Variants in UBASH3B observed in about 807,000 individuals in gnomAD.
UBASH3B encodes ubiquitin-associated and SH3 domain-containing protein B.
UBASH3B carries 37 observed loss-of-function variants against 83.4 expected under a neutral mutation model. The ratio of observed to expected loss-of-function variants is 0.44; its 90% CI spans 0.34 to 0.58. UBASH3B has a LOEUF of 0.58. UBASH3B is among the 20% of genes least tolerant of loss of function. The pLI, the probability that UBASH3B is intolerant of heterozygous loss-of-function variation, is 0.01. For missense variants in UBASH3B, 657 were observed against 827.2 expected (o/e 0.79, Z 2.52); for synonymous variants, 304 against 318.3 (o/e 0.96, Z 0.48).
rs1207026497 is a variant in UBASH3B, at chr11:122,672,850, TGGG to T, written c.161+16643_161+16645del. 2.0e-5 allele frequency among the ~76,000 whole-genome samples: 3 copies of T among 152,216 alleles called. No homozygotes were observed. The East Asian group carries it at 5.8e-4, about 29-fold the overall frequency. The stretch of plus-strand genomic sequence containing the variant: ...GAGTCAGGAGCATACCTAAAGTCCC[TGGG>T]GGACCAGGCTGGGCCAGCCTGCAGT... On this transcript the variant is annotated intron_variant, in intron 1 of 13. Transcript: ENST00000284273.
intron 1 of UBASH3B, among the ~76,000 whole-genome samples, chr11:122,744,798 C>T (rs1310210506): frequency 6.6e-6 from 1 of 150,960 alleles, no homozygotes; most frequent in East Asian, 1.9e-4. Flanking sequence ...ATGTGTGTGA[C>T]TGTGTGATCG....
rs1248892973 is a variant in UBASH3B, at chr11:122,687,814, A to G, written c.161+31604A>G. 7.2e-5 allele frequency among the ~76,000 whole-genome samples: 11 copies of G among 152,210 alleles called. No individual in the cohort carries two copies. The South Asian group carries it at 1.9e-3, about 26-fold the overall frequency. The stretch of plus-strand genomic sequence containing the variant: ...TTCTTCCTGGTGCTCCCGTGTCTCC[A>G]AGATGAGAGAATTTGCCAAGTCATG... On this transcript the variant is annotated intron_variant, in intron 1 of 13. Coordinates refer to ENST00000284273, the MANE Select transcript of UBASH3B (RefSeq NM_032873.5).
intron 1 of UBASH3B, among the ~76,000 whole-genome samples, chr11:122,712,514 A>G (rs1052712463): frequency 2.0e-5 from 3 of 152,114 alleles, no homozygotes; most frequent in African/African-American, 7.2e-5. Flanking sequence ...GCCCTGAGTA[A>G]TAGGCATAAA....
intron 1 of UBASH3B, among the ~76,000 whole-genome samples, chr11:122,674,379 CTTT>C (rs35529594): frequency 0.2 from 26,636 of 132,660 alleles, 2,363 homozygotes; most frequent in Non-Finnish European, 0.25. Flanking sequence ...CATTGTCTGT[CTTT>C]TTTTTTTTTT....
intron 4 of UBASH3B, chr11:122,782,285 T>C (rs970835397): frequency 6.6e-6 from 1 of 151,448 alleles, no homozygotes; most frequent in Non-Finnish European, 1.5e-5. Flanking sequence ...AGCCATTCCC[T>C]CCTATAGGTA....
At chr11:122,690,167 C>CATATAT (rs57203901) in intron 1 of UBASH3B, among the ~76,000 whole-genome samples, 1,804 of 43,296 alleles carry the variant, frequency 0.042, 87 homozygotes, top group Non-Finnish European at 0.06. Flanking sequence ...GGCAGGAAAA[C>CATATAT]ATATATATAT....
At chr11:122,734,704 T>C (rs1317733765) in intron 1 of UBASH3B, among the ~76,000 whole-genome samples, 1 of 151,858 alleles carries the variant, frequency 6.6e-6, no homozygotes, top group Non-Finnish European at 1.5e-5. Context: ...TTAAGGCAAT[T>C]CCAGTAGAGT....
At chr11:122,799,416 G>A (rs1458168858) in intron 10 of UBASH3B, among the ~76,000 whole-genome samples, 1 of 151,928 alleles carries the variant, frequency 6.6e-6, no homozygotes, top group Non-Finnish European at 1.5e-5. Context: ...GAACCCGGGA[G>A]GCGGAGGTTG....
At chr11:122,783,607 A>AACCTAAC (rs1860896116) in intron 5 of UBASH3B, among the ~76,000 whole-genome samples, 1 of 152,188 alleles carries the variant, frequency 6.6e-6, no homozygotes, top group Non-Finnish European at 1.5e-5. Context: ...AGAACATATA[A>AACCTAAC]ATACCAAAGA....
intron 1 of UBASH3B, among the ~76,000 whole-genome samples, chr11:122,739,147 C>A (rs1000788958): frequency 1.1e-4 from 16 of 152,182 alleles, no homozygotes; most frequent in Middle Eastern, 3.4e-3. Context: ...ACAGCATGTG[C>A]CACCACACCC....
chr11:122,675,686 C>T (rs1863658230), intron 1 of UBASH3B, among the ~76,000 whole-genome samples: 1 of 152,088 alleles, frequency 6.6e-6, no homozygotes, highest in African/African-American at 2.4e-5. Flanking sequence ...GTCCATGGCC[C>T]CCAGAGATAA....
Position 122,799,016 on chromosome 11 carries a change from G to A in UBASH3B, c.1432G>A (p.Ala478Thr). Residue 478 changes from alanine (A) to threonine (T), a missense_variant, in exon 10 of 14, where the codon GCA becomes ACA. Transcript: ENST00000284273. ...CSPSLRCVQT[A>T]HNILKGLQQE... ...CCCGTCCCTTCGCTGCGTTCAGACT[G>A]CACACAATATCTTGAAAGGTAAGAC... 8.7e-6 allele frequency: 14 copies of A among 1,613,908 alleles called. No homozygotes were observed. Among genetic ancestry groups the A allele is most frequent in the Non-Finnish European group, 1.2e-5 (14 of 1,179,892 alleles).
chr11:122,730,896 A>G (rs574136526), intron 1 of UBASH3B, among the ~76,000 whole-genome samples: 8 of 152,312 alleles, frequency 5.3e-5, no homozygotes, highest in Non-Finnish European at 8.8e-5. Context: ...CTCCTGGCCA[A>G]TATTTGGATT....
At chr11:122,682,400 G>A (rs550575371) in intron 1 of UBASH3B, among the ~76,000 whole-genome samples, 13 of 152,276 alleles carry the variant, frequency 8.5e-5, no homozygotes, top group African/African-American at 1.4e-4. Context: ...ACGCTGAGGC[G>A]TTCACTTGTC....
intron 1 of UBASH3B, among the ~76,000 whole-genome samples, chr11:122,754,908 C>A (rs7114985): frequency 6.6e-6 from 1 of 152,128 alleles, no homozygotes; most frequent in African/African-American, 2.4e-5. Flanking sequence ...ACCCCTGACT[C>A]TACCACCAGC....
chr11:122,727,154 G>A (rs555148090), intron 1 of UBASH3B, among the ~76,000 whole-genome samples: 7 of 152,270 alleles, frequency 4.6e-5, no homozygotes, highest in African/African-American at 1.2e-4. Context: ...TTTAAGCCGC[G>A]TCCTGCCGGG....
chr11:122,688,727 C>T (rs1863844166), intron 1 of UBASH3B, among the ~76,000 whole-genome samples: 1 of 151,782 alleles, frequency 6.6e-6, no homozygotes, highest in Non-Finnish European at 1.5e-5. Context: ...TCACTGCAAG[C>T]TCCGCCTCCC....
At chr11:122,777,621 GTTT>G (rs11312055) in intron 3 of UBASH3B, among the ~76,000 whole-genome samples, 1 of 151,162 alleles carries the variant, frequency 6.6e-6, no homozygotes, top group Non-Finnish European at 1.5e-5. Context: ...CTGTCCACAA[GTTT>G]TTTTTTTCCC....
At chr11:122,697,114 A>G (rs569433306) in intron 1 of UBASH3B, among the ~76,000 whole-genome samples, 5 of 152,298 alleles carry the variant, frequency 3.3e-5, no homozygotes, top group East Asian at 1.9e-4. Flanking sequence ...TTGGGGGGGA[A>G]GTTTGAAGTT....
Sources: gnomAD v4.1 joint callset for allele counts (sites outside exome capture counted in the v4.1 genomes callset) on GRCh38, gnomAD v4.1.1 for gene constraint, MANE v1.5 for transcripts, NCBI Gene and HGNC (gene_info 2026-07-23, HGNC 2026-07-21) for gene names.